Variants in BMPER observed in about 807,000 individuals in gnomAD.
The protein encoded by BMPER is BMP-binding endothelial regulator protein.
Under a neutral mutation model 87.3 loss-of-function variants are expected in BMPER, and 45 were observed. The observed-to-expected ratio is 0.52, with a 90% CI of 0.41 to 0.66. The LOEUF (loss-of-function observed/expected upper bound fraction) is 0.66. Among genes scored for constraint, BMPER ranks in the 30% least tolerant of loss-of-function variants. The pLI, the probability that BMPER is intolerant of heterozygous loss-of-function variation, is 0.00. For missense variants in BMPER, 784 were observed against 867.5 expected, an observed-to-expected ratio of 0.90 and a Z score of 1.21; for synonymous variants, 326 against 316.2, an observed-to-expected ratio of 1.03 and a Z score of -0.33.
intron 6 of BMPER, among the ~76,000 whole-genome samples, chr7:34,044,129 C>T (rs757047776): frequency 6.6e-6 from 1 of 152,178 alleles, no homozygotes; most frequent in Non-Finnish European, 1.5e-5. Flanking sequence ...CCAGCAAACC[C>T]AGATTGGAGT....
chr7:34,120,934 A>G (rs1477121752), intron 13 of BMPER, among the ~76,000 whole-genome samples: 1 of 152,062 alleles, frequency 6.6e-6, no homozygotes, highest in Non-Finnish European at 1.5e-5. Context: ...TATCACGTAT[A>G]ATTCATGGAT....
intron 2 of BMPER, among the ~76,000 whole-genome samples, chr7:33,919,913 A>G (rs1211416438): frequency 1.3e-5 from 2 of 148,716 alleles, no homozygotes; most frequent in African/African-American, 5.1e-5. Context: ...AAGGTTATGT[A>G]TCTGTGTACA....
intron 13 of BMPER, among the ~76,000 whole-genome samples, chr7:34,134,637 C>A (rs1360508993): frequency 6.6e-6 from 1 of 152,138 alleles, no homozygotes; most frequent in Non-Finnish European, 1.5e-5. Context: ...TGGCTTTGGG[C>A]TCCTTAAAGA....
intron 6 of BMPER, among the ~76,000 whole-genome samples, 193 bp from the exon 7 acceptor site, chr7:34,046,113 C>G (rs1787957444): frequency 6.6e-6 from 1 of 152,034 alleles, no homozygotes; most frequent in Admixed American, 6.5e-5. Flanking sequence ...CAAAGGCAGT[C>G]TTTTTGCAGC....
intron 11 of BMPER, among the ~76,000 whole-genome samples, chr7:34,071,981 A>G (rs1372565587): frequency 3.3e-5 from 5 of 152,182 alleles, no homozygotes; most frequent in Non-Finnish European, 7.3e-5. Flanking sequence ...CCAGCTAGTT[A>G]ACAAGTTTGC....
intron 6 of BMPER, among the ~76,000 whole-genome samples, chr7:33,988,400 T>C (rs1786076447): frequency 6.6e-6 from 1 of 152,192 alleles, no homozygotes. Flanking sequence ...CTTTAATAAC[T>C]AAGCCCACTA....
chr7:34,155,611 A>T lies in BMPER; in HGVS notation c.*2338A>T, dbSNP rs1331502837. On this transcript the variant is annotated 3_prime_UTR_variant, in exon 15 of 15. Coordinates refer to ENST00000649409, the MANE Select transcript of BMPER (RefSeq NM_001365308.1). ...GGGAGGGCAGAGAGGACAGAAAATT[A>T]CTTGGGTTTACTAATTCAAAGAGCC... is the stretch of plus-strand genomic sequence containing the variant. The T allele has an allele frequency of 6.6e-6, 1 of 152,194 alleles. No individual in the cohort carries two copies. Among genetic ancestry groups the T allele is most frequent in the African/African-American group, 2.4e-5 (1 of 41,466 alleles). 9.4% of individuals were successfully genotyped at this position (152,194 alleles called of 1,614,324 possible). A position where few individuals can be genotyped will look rare whatever the true frequency, so the allele number is the denominator to read the frequency against.
Position 33,932,948 on chromosome 7 carries a change from A to G in BMPER, c.220-4341A>G, listed in dbSNP as rs557321638. Among the ~76,000 whole-genome samples the G allele has an allele frequency of 2.6e-5, 4 of 152,304 alleles. No individual in the cohort carries two copies. The East Asian group carries it at 5.8e-4, about 22-fold the overall frequency. On this transcript the variant is annotated intron_variant, in intron 2 of 14. Coordinates refer to ENST00000649409, the MANE Select transcript of BMPER (RefSeq NM_001365308.1). ...CTCTGTACCCCTCCGCCCTACGCTC[A>G]TGGGAGAGCTCATTTCTCTCCCCAT...
rs1790950031 is a variant in BMPER at position 34,143,993 on chromosome 7, G to GA, written c.1876+636dup. On this transcript the variant is annotated intron_variant, in intron 14 of 14. Transcript: ENST00000649409. ...TTGACACAGTGGCAGCCTAGTGGGAGAAACAGACAAAAACATAACTCTACA... is the reference window on the plus strand; with the variant it reads ...TTGACACAGTGGCAGCCTAGTGGGAGAAAACAGACAAAAACATAACTCTACA... 2.0e-5 allele frequency among the ~76,000 whole-genome samples: 3 copies of GA among 152,236 alleles called. No individual in the cohort carries two copies. The South Asian group carries it at 6.2e-4, about 32-fold the overall frequency.
At chr7:33,949,392 G>A (rs1784966829) in intron 3 of BMPER, among the ~76,000 whole-genome samples, 1 of 152,098 alleles carries the variant, frequency 6.6e-6, no homozygotes, top group South Asian at 2.1e-4. Context: ...AGGTTCTTGG[G>A]ATCCTTCCAG....
At chr7:34,074,806 T>A (rs561205339) in intron 11 of BMPER, among the ~76,000 whole-genome samples, 1 of 152,330 alleles carries the variant, frequency 6.6e-6, no homozygotes, top group Admixed American at 6.5e-5. Context: ...CCTTACGACA[T>A]GTTAAGTAAA....
At chr7:34,111,904 G>A (rs898677236) in intron 13 of BMPER, among the ~76,000 whole-genome samples, 1 of 151,904 alleles carries the variant, frequency 6.6e-6, no homozygotes, top group African/African-American at 2.4e-5. Flanking sequence ...GTAGAGACAG[G>A]TTTCTCCATG....
intron 6 of BMPER, among the ~76,000 whole-genome samples, chr7:33,992,421 C>T (rs887320102): frequency 7.3e-5 from 10 of 137,040 alleles, no homozygotes; most frequent in African/African-American, 2.2e-4. Context: ...TCTGTTTTAT[C>T]AGAGACTAGG....
chr7:34,024,414 T>A (rs1585748276), intron 6 of BMPER, among the ~76,000 whole-genome samples: 5 of 45,262 alleles, frequency 1.1e-4, no homozygotes, highest in Non-Finnish European at 2.1e-4. Flanking sequence ...TATATATATA[T>A]ATATATATAT....
chr7:33,907,325 A>G (rs1264759072), intron 2 of BMPER, among the ~76,000 whole-genome samples: 1 of 152,296 alleles, frequency 6.6e-6, no homozygotes, highest in East Asian at 1.9e-4. Context: ...TATGCGACAA[A>G]GGGAAAGAGA....
At chr7:34,031,835 C>T (rs1187001927) in intron 6 of BMPER, among the ~76,000 whole-genome samples, 1 of 143,680 alleles carries the variant, frequency 7.0e-6, no homozygotes, top group Non-Finnish European at 1.5e-5. Context: ...CCCAAGGTAA[C>T]TCATTTATTA....
At chr7:34,148,762 A>G (rs1791094495) in intron 14 of BMPER, among the ~76,000 whole-genome samples, 1 of 152,184 alleles carries the variant, frequency 6.6e-6, no homozygotes, top group Non-Finnish European at 1.5e-5. Flanking sequence ...CAGAGAGAGG[A>G]AAAAACATGG....
intron 13 of BMPER, among the ~76,000 whole-genome samples, chr7:34,112,948 T>A (rs1790019443): frequency 6.6e-6 from 1 of 152,012 alleles, no homozygotes; most frequent in African/African-American, 2.4e-5. Flanking sequence ...GAGCTTAACC[T>A]CATTTCTTTA....
At chr7:34,091,337 T>C (rs1391439194) in intron 13 of BMPER, among the ~76,000 whole-genome samples, 1 of 152,246 alleles carries the variant, frequency 6.6e-6, no homozygotes, top group Non-Finnish European at 1.5e-5. Context: ...AACAACATGC[T>C]TGAAAACATT....
Sources: allele counts gnomAD v4.1 joint callset (sites outside exome capture counted in the v4.1 genomes callset), GRCh38; gene constraint gnomAD v4.1.1; transcripts MANE v1.5; gene names NCBI Gene and HGNC (gene_info 2026-07-23, HGNC 2026-07-21).